Variants in RPS6KA2 observed in about 807,000 individuals in gnomAD.
RPS6KA2 encodes ribosomal protein S6 kinase A2.
A neutral mutation model predicts 91.8 loss-of-function variants in RPS6KA2; 42 were observed. The ratio of observed to expected loss-of-function variants is 0.46; its 90% CI spans 0.36 to 0.59. RPS6KA2 has a LOEUF of 0.59. RPS6KA2 is among the 20% of genes least tolerant of loss of function. The pLI is 0.00. For missense variants in RPS6KA2, 798 were observed against 978.5 expected, an observed-to-expected ratio of 0.82 and a Z score of 2.46; for synonymous variants, 414 against 393.6, an observed-to-expected ratio of 1.05 and a Z score of -0.61.
rs1282682801 is a variant in RPS6KA2, at chr6:166,411,182, G to A, written c.*1580C>T. ...TCTGAAAACAATCAGACCAAGCTAA[G>A]GAGTTATTTTTCAGAACGCAGCACA... On this transcript the variant is annotated 3_prime_UTR_variant, in exon 21 of 21. Transcript: ENST00000265678. The surrounding 1 kb of genome is among the most constrained non-coding windows in gnomAD (Gnocchi z 4.5). The A allele has an allele frequency of 1.3e-5, 2 of 151,736 alleles. No individual in the cohort carries two copies. The highest frequency in any genetic ancestry group is 6.6e-5 in the Admixed American group (1 of 15,252). 9.4% of individuals were successfully genotyped at this position (151,736 alleles called of 1,614,324 possible). A position where few individuals can be genotyped will look rare whatever the true frequency, so the allele number is the denominator to read the frequency against.
At chr6:166,794,164 A>G (rs1386896399) in intron 2 of RPS6KA2, among the ~76,000 whole-genome samples, 1 of 138,816 alleles carries the variant, frequency 7.2e-6, no homozygotes, top group African/African-American at 2.6e-5. Flanking sequence ...ACAAGAAAAA[A>G]ACAAACAACC....
chr6:166,473,148 G>C (rs965056593), intron 10 of RPS6KA2, among the ~76,000 whole-genome samples: 4 of 152,122 alleles, frequency 2.6e-5, no homozygotes, highest in African/African-American at 7.2e-5. Context: ...CAACCAGTTG[G>C]AACTCTCATA....
intron 10 of RPS6KA2, among the ~76,000 whole-genome samples, chr6:166,487,233 G>A (rs545279590): frequency 2.0e-5 from 3 of 152,270 alleles, no homozygotes; most frequent in African/African-American, 7.2e-5. Flanking sequence ...TTACTCTCCT[G>A]ACACACACCC....
At chr6:166,798,753 C>T (rs770770152) in intron 2 of RPS6KA2, among the ~76,000 whole-genome samples, 2 of 152,206 alleles carry the variant, frequency 1.3e-5, no homozygotes, top group Non-Finnish European at 2.9e-5. Context: ...TTCCCAGACC[C>T]CTTTACAATC....
intron 2 of RPS6KA2, among the ~76,000 whole-genome samples, chr6:166,799,622 G>GT (rs35651699): frequency 0.59 from 89,170 of 151,082 alleles, 26,629 homozygotes; most frequent in South Asian, 0.67. Context: ...GATGAGAGTG[G>GT]TGTGAAATCA....
chr6:166,770,809 A>C lies in RPS6KA2; in HGVS notation c.123+87391T>G. 6.7e-7 allele frequency: 1 copy of C among 1,500,536 alleles called. No homozygotes were observed. Among genetic ancestry groups the C allele is most frequent in the Non-Finnish European group, 8.9e-7 (1 of 1,118,306 alleles). The allele number at this position is 1,500,536 out of a possible 1,614,324, so 93.0% of individuals were successfully genotyped here. On this transcript the variant is annotated intron_variant, in intron 2 of 21. Transcript: ENST00000503859. The surrounding 1 kb of genome is among the most constrained non-coding windows in gnomAD (Gnocchi z 5.1). Reference sequence around the variant, plus strand: ...AGACTTCATGTTTAACTTAAAAAAAAAATGTAACTCACATAAGCATGGAAA... The same window carrying C: ...AGACTTCATGTTTAACTTAAAAAAACAATGTAACTCACATAAGCATGGAAA...
chr6:166,677,796 G>A (rs1338122091), intron 2 of RPS6KA2, among the ~76,000 whole-genome samples: 1 of 152,134 alleles, frequency 6.6e-6, no homozygotes, highest in Non-Finnish European at 1.5e-5. Flanking sequence ...GAGAGGGAGT[G>A]GACACATAAA....
chr6:166,583,399 G>A (rs953160530), intron 1 of RPS6KA2, among the ~76,000 whole-genome samples: 1 of 152,158 alleles, frequency 6.6e-6, no homozygotes, highest in African/African-American at 2.4e-5. Context: ...TGTGAGTCTT[G>A]GTGATTAAAT....
chr6:166,785,407 T>C (rs1354431579), intron 2 of RPS6KA2, among the ~76,000 whole-genome samples: 2 of 152,258 alleles, frequency 1.3e-5, no homozygotes, highest in East Asian at 3.8e-4. Context: ...CTCTTTCAGT[T>C]TATGGGAGCT....
rs182944246 is a variant in RPS6KA2 at position 166,731,068 on chromosome 6, C to T, written c.123+127132G>A. Among the ~76,000 whole-genome samples, 506 of 152,244 alleles carry T rather than the reference C, an allele frequency of 3.3e-3. 9 individuals are homozygous for T. Among genetic ancestry groups the T allele is most frequent in the East Asian group, 5.4e-3 (28 of 5,182 alleles). On this transcript the variant is annotated intron_variant, in intron 2 of 21. Transcript: ENST00000503859. ...GACCAGCCTGACCAACATGGTGAAA[C>T]CCCATCTCTACTAAAAATACAAAAT...
chr6:166,451,647 T>C (rs1478302220), intron 12 of RPS6KA2, among the ~76,000 whole-genome samples: 1 of 152,204 alleles, frequency 6.6e-6, no homozygotes, highest in Non-Finnish European at 1.5e-5. Flanking sequence ...GAATCCTGTA[T>C]CCTTAGCTTC....
At chr6:166,446,434 C>T (rs1779681700) in intron 14 of RPS6KA2, among the ~76,000 whole-genome samples, 1 of 152,218 alleles carries the variant, frequency 6.6e-6, no homozygotes, top group Non-Finnish European at 1.5e-5. Flanking sequence ...GTCTGCTGGC[C>T]AACTTTGTCC....
intron 3 of RPS6KA2, among the ~76,000 whole-genome samples, chr6:166,513,134 G>A (rs1583226038): frequency 1.3e-5 from 2 of 152,184 alleles, no homozygotes; most frequent in East Asian, 3.9e-4. Context: ...TACGAATTTG[G>A]GTTGGGCTGC....
At chr6:166,649,102 C>T (rs1166701315) in intron 2 of RPS6KA2, among the ~76,000 whole-genome samples, 2 of 152,188 alleles carry the variant, frequency 1.3e-5, no homozygotes, top group African/African-American at 4.8e-5. Context: ...CCAAACGTGG[C>T]CTCATTTGTC....
rs907807279 is a variant in RPS6KA2 at position 166,648,222 on chromosome 6, A to G, written c.124-109438T>C. Among the ~76,000 whole-genome samples, 38 of 150,450 alleles carry G rather than the reference A, an allele frequency of 2.5e-4. No individual in the cohort carries two copies. The highest frequency in any genetic ancestry group is 8.8e-4 in the African/African-American group (36 of 40,984). On this transcript the variant is annotated intron_variant, in intron 2 of 21. Coordinates refer to the RPS6KA2 transcript ENST00000503859. The surrounding 1 kb of genome is among the most constrained non-coding windows in gnomAD (Gnocchi z 4.8). ...TACACACACTCATGCACACACACGC[A>G]CATGCGCACACACACACATTCACAC...
intron 2 of RPS6KA2, among the ~76,000 whole-genome samples, chr6:166,765,178 C>A (rs1202988533): frequency 6.6e-6 from 1 of 151,938 alleles, no homozygotes; most frequent in African/African-American, 2.4e-5. Context: ...ACGTGGCCAG[C>A]CAGCATGGGT....
intron 2 of RPS6KA2, among the ~76,000 whole-genome samples, chr6:166,795,915 T>C (rs1420909119): frequency 2.0e-5 from 3 of 152,206 alleles, no homozygotes; most frequent in Admixed American, 6.5e-5. Context: ...TCTGGACCAA[T>C]AGTCAAGGAT....
rs192757252 is a variant in RPS6KA2 at position 166,760,477 on chromosome 6, T to C, written c.123+97723A>G. On this transcript the variant is annotated intron_variant, in intron 2 of 21. Transcript: ENST00000503859. ...AGTGATAAGATCATCGCACAGAGTA[T>C]GTGGGCACCGCCCCCACCCCCATCG... is the stretch of plus-strand genomic sequence containing the variant. 2.6e-5 allele frequency among the ~76,000 whole-genome samples: 4 copies of C among 152,328 alleles called. No individual in the cohort carries two copies. In the East Asian group the frequency reaches 7.7e-4, roughly 29 times the overall value.
At chr6:166,629,642 A>T (rs1365023625), upstream of RPS6KA2, among the ~76,000 whole-genome samples, 1 of 152,216 alleles carries the variant, frequency 6.6e-6, no homozygotes, top group Non-Finnish European at 1.5e-5. Flanking sequence ...AATCCAAATT[A>T]TCCTTACCAA....
Sources: gnomAD v4.1 joint callset for allele counts (sites outside exome capture counted in the v4.1 genomes callset) on GRCh38, gnomAD v4.1.1 for gene constraint, Gnocchi (gnomAD v3.1) non-coding constraint, MANE v1.5 for transcripts, NCBI Gene and HGNC (gene_info 2026-07-23, HGNC 2026-07-21) for gene names.